Variants in ANO4 observed in about 807,000 individuals in gnomAD.
ANO4 encodes the protein anoctamin 4.
Under a neutral mutation model 141.9 loss-of-function variants are expected in ANO4, and 69 were observed. The ratio of observed to expected loss-of-function variants is 0.49; its 90% CI spans 0.40 to 0.59. The LOEUF (loss-of-function observed/expected upper bound fraction) is 0.59, where lower values mean the gene tolerates loss of function less well. Among genes scored for constraint, ANO4 ranks in the 20% least tolerant of loss-of-function variants. ANO4 has a pLI of 0.00. For synonymous variants in ANO4, 350 were observed against 394.3 expected (o/e 0.89, Z 1.33); for missense variants, 894 against 1,162.2 (o/e 0.77, Z 3.36).
intron 3 of ANO4, among the ~76,000 whole-genome samples, chr12:100,771,481 C>T (rs2033298465): frequency 6.6e-6 from 1 of 152,128 alleles, no homozygotes; most frequent in African/African-American, 2.4e-5. Context: ...AAGCACCACC[C>T]CCCACCCCAG....
intron 1 of ANO4, among the ~76,000 whole-genome samples, chr12:100,850,907 T>G (rs538025462): frequency 6.6e-5 from 10 of 152,158 alleles, no homozygotes; most frequent in Non-Finnish European, 8.8e-5. Flanking sequence ...AAAATTATTT[T>G]AAATGATTTT....
At chr12:100,883,023 T>G (rs1166688307) in intron 1 of ANO4, among the ~76,000 whole-genome samples, 1 of 152,168 alleles carries the variant, frequency 6.6e-6, no homozygotes, top group African/African-American at 2.4e-5. Context: ...ATGCTCTTTG[T>G]TGATTCCCTA....
chr12:100,813,341 C>T (rs888083477), intron 1 of ANO4, among the ~76,000 whole-genome samples: 4 of 152,158 alleles, frequency 2.6e-5, no homozygotes, highest in African/African-American at 4.8e-5. Flanking sequence ...CCTTTTGGGG[C>T]AGGGAACCCA....
intron 5 of ANO4, among the ~76,000 whole-genome samples, chr12:100,952,049 A>G (rs1241424470): frequency 1.3e-5 from 2 of 152,152 alleles, no homozygotes; most frequent in African/African-American, 4.8e-5. Flanking sequence ...CCCTTGATCC[A>G]ATATTATATG....
At chr12:100,804,174 TC>T (rs1391173019) in intron 1 of ANO4, among the ~76,000 whole-genome samples, 1 of 152,172 alleles carries the variant, frequency 6.6e-6, no homozygotes, top group Non-Finnish European at 1.5e-5. Context: ...ATCATTGAGC[TC>T]CCACTTATAA....
At chr12:100,777,071 G>A (rs1310480999) in intron 3 of ANO4, among the ~76,000 whole-genome samples, 4 of 150,578 alleles carry the variant, frequency 2.7e-5, no homozygotes, top group African/African-American at 9.8e-5. Flanking sequence ...ACAGAGCCAG[G>A]ACTAGAAACC....
chr12:100,756,904 A>G (rs2032637614), intron 3 of ANO4, among the ~76,000 whole-genome samples: 4 of 151,930 alleles, frequency 2.6e-5, no homozygotes, highest in Admixed American at 2.6e-4. Flanking sequence ...TGCAATCTGT[A>G]TTCTGTACTT....
intron 1 of ANO4, among the ~76,000 whole-genome samples, chr12:100,860,061 G>A (rs553505118): frequency 1.3e-5 from 2 of 152,130 alleles, no homozygotes; most frequent in African/African-American, 2.4e-5. Flanking sequence ...GCACAAAGAA[G>A]CAGTTTAATG....
intron 1 of ANO4, among the ~76,000 whole-genome samples, chr12:100,725,487 C>T (rs907689029): frequency 1.3e-5 from 2 of 151,852 alleles, no homozygotes; most frequent in African/African-American, 4.8e-5. Context: ...GCTGGGACTA[C>T]AGGCGCCCAC....
chr12:100,954,139 T>C (rs1340699647), intron 5 of ANO4, among the ~76,000 whole-genome samples: 1 of 152,110 alleles, frequency 6.6e-6, no homozygotes, highest in East Asian at 1.9e-4. Context: ...CCCTAGTACT[T>C]ATAATTGCCT....
intron 1 of ANO4, among the ~76,000 whole-genome samples, chr12:100,856,823 C>T (rs1435640722): frequency 6.6e-6 from 1 of 151,974 alleles, no homozygotes; most frequent in Non-Finnish European, 1.5e-5. Context: ...AAAACCAGGG[C>T]TAGATGGTGT....
upstream of ANO4, chr12:100,717,446 GC>G: frequency 2.5e-6 from 1 of 395,298 alleles, no homozygotes; most frequent in Admixed American, 4.4e-5. Flanking sequence ...CACTCGCCGG[GC>G]CGGGCCGTCC....
chr12:101,083,707 G>A lies in ANO4; in HGVS notation c.1425G>A (p.Lys475=). 6.2e-7 allele frequency: 1 copy of A among 1,608,818 alleles called. No homozygotes were observed. Among genetic ancestry groups the A allele is most frequent in the South Asian group, 1.1e-5 (1 of 89,410 alleles). The change falls in exon 16 of 28, where the codon AAG becomes AAA. Residue 475 remains lysine, a synonymous_variant. Coordinates refer to ENST00000392977, the MANE Select transcript of ANO4 (RefSeq NM_001286615.2). ...EEEIRPQFEA[K]YSKKERMNPI... ...AAATACGACCCCAGTTTGAAGCCAA[G>A]TATTCCAAGAAAGAGCGGATGAATC...
intron 14 of ANO4, among the ~76,000 whole-genome samples, chr12:101,053,253 G>A (rs1307495624): frequency 6.6e-6 from 1 of 152,192 alleles, no homozygotes; most frequent in Non-Finnish European, 1.5e-5. Flanking sequence ...GCTTTGCCAG[G>A]CAGAGTAGTG....
chr12:101,086,080 C>CTGTGTGTG (rs56891905), intron 16 of ANO4, among the ~76,000 whole-genome samples: 6,268 of 131,706 alleles, frequency 0.048, 255 homozygotes, highest in Non-Finnish European at 0.066. Context: ...GTTAACTAGG[C>CTGTGTGTG]TGTGTGTGTG....
At chr12:100,991,066 T>C (rs546913338) in intron 8 of ANO4, among the ~76,000 whole-genome samples, 1 of 152,258 alleles carries the variant, frequency 6.6e-6, no homozygotes, top group South Asian at 2.1e-4. Flanking sequence ...CAGACCTCAG[T>C]GGGACCAAGA....
At chr12:101,098,559 C>T in intron 21 of ANO4, among the ~76,000 whole-genome samples, 1 of 152,208 alleles carries the variant, frequency 6.6e-6, no homozygotes, top group East Asian at 1.9e-4. Flanking sequence ...TTAGTGGGAA[C>T]TTGGTTCACT....
At chr12:100,727,941 A>G (rs571011266) in intron 1 of ANO4, among the ~76,000 whole-genome samples, 203 of 152,290 alleles carry the variant, frequency 1.3e-3, no homozygotes, top group African/African-American at 4.6e-3. Context: ...CCTATTCATT[A>G]TATTTTGTTT....
At chr12:100,896,291 AAG>A (rs1322428870) in intron 1 of ANO4, among the ~76,000 whole-genome samples, 10 of 152,158 alleles carry the variant, frequency 6.6e-5, no homozygotes, top group Non-Finnish European at 1.3e-4. Context: ...GCGTCCTTAT[AAG>A]AGAGAGGCAG....
Sources: gnomAD v4.1 joint callset for allele counts (sites outside exome capture counted in the v4.1 genomes callset) on GRCh38, gnomAD v4.1.1 for gene constraint, MANE v1.5 for transcripts, NCBI Gene and HGNC (gene_info 2026-07-23, HGNC 2026-07-21) for gene names.